The following GFOD1 variants were observed in gnomAD, a reference collection of about 807,000 sequenced individuals.
GFOD1 encodes the protein glucose-fructose oxidoreductase domain-containing protein 1.
Under a neutral mutation model 25.4 loss-of-function variants are expected in GFOD1, and 9 were observed. The observed-to-expected ratio is 0.35, with a 90% CI of 0.21 to 0.62. The LOEUF (loss-of-function observed/expected upper bound fraction) is 0.62. Among genes scored for constraint, GFOD1 ranks in the 20% least tolerant of loss-of-function variants. GFOD1 has a pLI of 0.72. For synonymous variants in GFOD1, 253 were observed against 245.6 expected (o/e 1.03, Z -0.28); for missense variants, 403 against 556.9 (o/e 0.72, Z 2.78).
intron 1 of GFOD1, among the ~76,000 whole-genome samples, chr6:13,420,219 C>T (rs1323307056): frequency 6.6e-6 from 1 of 152,184 alleles, no homozygotes. Context: ...TCTTTGTATA[C>T]ACAGATTTGT....
intron 1 of GFOD1, among the ~76,000 whole-genome samples, chr6:13,391,514 A>AC (rs200686847): frequency 2.2e-4 from 32 of 146,284 alleles, no homozygotes; most frequent in African/African-American, 6.3e-4. Flanking sequence ...AAACAAACAA[A>AC]AAAAAAAAAA....
chr6:13,394,137 A>C (rs1223126950), intron 1 of GFOD1, among the ~76,000 whole-genome samples: 1 of 151,962 alleles, frequency 6.6e-6, no homozygotes, highest in Non-Finnish European at 1.5e-5. Flanking sequence ...TGATAAATAG[A>C]CTCATTTAAA....
chr6:13,371,401 T>A (rs1266089712), intron 1 of GFOD1, among the ~76,000 whole-genome samples: 1 of 152,152 alleles, frequency 6.6e-6, no homozygotes, highest in Non-Finnish European at 1.5e-5. Context: ...TCCACACACC[T>A]CTGGGAGCAC....
chr6:13,486,908 T>C lies in GFOD1; in HGVS notation c.-18A>G. 1 of 1,603,366 alleles carries C rather than the reference T, an allele frequency of 6.2e-7. No homozygotes were observed. The highest frequency in any genetic ancestry group is 8.5e-7 in the Non-Finnish European group (1 of 1,178,700). ...GGAAGCATGGCTGCTCAGAGCCGCC[T>C]GGTTCTGCTTCTGCTCGGATCTCCA... is the stretch of plus-strand genomic sequence containing the variant. On this transcript the variant is annotated 5_prime_UTR_variant, in exon 1 of 2. Coordinates refer to ENST00000379287, the MANE Select transcript of GFOD1 (RefSeq NM_018988.4).
At chr6:13,484,935 C>A (rs1758831528) in intron 1 of GFOD1, among the ~76,000 whole-genome samples, 1 of 152,162 alleles carries the variant, frequency 6.6e-6, no homozygotes, top group African/African-American at 2.4e-5. Flanking sequence ...CATCAGGGAC[C>A]AGTTTTGTAC....
chr6:13,396,923 A>C (rs1279691586), intron 1 of GFOD1, among the ~76,000 whole-genome samples: 1 of 152,216 alleles, frequency 6.6e-6, no homozygotes, highest in African/African-American at 2.4e-5. Flanking sequence ...TTATTACAAC[A>C]GCAAGGGAAA....
intron 1 of GFOD1, among the ~76,000 whole-genome samples, chr6:13,464,613 T>C (rs1204335681): frequency 2.0e-5 from 3 of 152,216 alleles, no homozygotes; most frequent in Non-Finnish European, 4.4e-5. Context: ...CCTGTGAAAG[T>C]ATTTTTTAAA....
chr6:13,424,232 A>G (rs1786312074), intron 1 of GFOD1, among the ~76,000 whole-genome samples: 1 of 152,198 alleles, frequency 6.6e-6, no homozygotes, highest in Admixed American at 6.5e-5. Flanking sequence ...GCTCAGGTCT[A>G]GTGGCCAAAA....
chr6:13,435,561 C>T (rs886930103), intron 1 of GFOD1, among the ~76,000 whole-genome samples: 1 of 152,172 alleles, frequency 6.6e-6, no homozygotes, highest in African/African-American at 2.4e-5. Context: ...CAGTAAGACC[C>T]GCAGTACATC....
At chr6:13,368,797 T>C (rs1037834114) in intron 1 of GFOD1, among the ~76,000 whole-genome samples, 8 of 152,284 alleles carry the variant, frequency 5.3e-5, no homozygotes, top group African/African-American at 1.9e-4. Context: ...AAACAATGAT[T>C]GCATGGAATT....
In GFOD1 at chr6:13,407,939, A is replaced by C. The variant is rs886689410; in HGVS notation, c.254-42277T>G. On this transcript the variant is annotated intron_variant, in intron 1 of 1. Transcript: ENST00000379287. ...CCAACTGACTCTCGGAGATTGCCCA[A>C]CCAAAGAGCAGAAGTTCACAGAATA... The C allele has an allele frequency of 1.0e-5, 10 of 985,166 alleles. No individual in the cohort carries two copies. The African/African-American group carries it at 1.7e-4, about 17-fold the overall frequency. The allele number at this position is 985,166 out of a possible 1,614,324, so 61.0% of individuals were successfully genotyped here. A position where few individuals can be genotyped will look rare whatever the true frequency, so the allele number is the denominator to read the frequency against.
chr6:13,399,667 C>T (rs1412325948), intron 1 of GFOD1, among the ~76,000 whole-genome samples: 2 of 152,140 alleles, frequency 1.3e-5, no homozygotes, highest in East Asian at 3.8e-4. Context: ...AATTGTAAAA[C>T]AGGCAAAGTG....
At chr6:13,438,476 A>G (rs1757866709) in intron 1 of GFOD1, among the ~76,000 whole-genome samples, 1 of 152,170 alleles carries the variant, frequency 6.6e-6, no homozygotes, top group African/African-American at 2.4e-5. Context: ...ATTCAGTACC[A>G]TCTCTGAATG....
chr6:13,465,171 T>C (rs916157707), intron 1 of GFOD1, among the ~76,000 whole-genome samples: 16 of 151,938 alleles, frequency 1.1e-4, no homozygotes, highest in Admixed American at 5.9e-4. Context: ...CTGGGCCACA[T>C]TGGAAGAATT....
chr6:13,447,884 G>A (rs1758032365), intron 1 of GFOD1, among the ~76,000 whole-genome samples: 1 of 151,922 alleles, frequency 6.6e-6, no homozygotes, highest in African/African-American at 2.4e-5. Context: ...GATGAAAGAG[G>A]CACAGAGGGC....
intron 1 of GFOD1, among the ~76,000 whole-genome samples, chr6:13,403,090 TTGTGTG>T (rs577808611): frequency 6.6e-6 from 1 of 150,784 alleles, no homozygotes; most frequent in Non-Finnish European, 1.5e-5. Flanking sequence ...TTTTGTTTTG[TTGTGTG>T]TGTGTGTGTG....
At chr6:13,467,646 G>A (rs1758400266) in intron 1 of GFOD1, among the ~76,000 whole-genome samples, 1 of 152,228 alleles carries the variant, frequency 6.6e-6, no homozygotes, top group Non-Finnish European at 1.5e-5. Context: ...TTGGAAGGCT[G>A]AATGAAGCCA....
At chr6:13,467,546 A>G (rs1238985686) in intron 1 of GFOD1, among the ~76,000 whole-genome samples, 1 of 152,218 alleles carries the variant, frequency 6.6e-6, no homozygotes, top group African/African-American at 2.4e-5. Flanking sequence ...TTTGACTGAA[A>G]AGAAACCTGC....
intron 1 of GFOD1, among the ~76,000 whole-genome samples, chr6:13,442,128 C>T (rs979147222): frequency 2.8e-4 from 42 of 152,282 alleles, no homozygotes; most frequent in Middle Eastern, 3.4e-3. Context: ...TGGCCAAGGC[C>T]GGGAATCAAT....
Sources: allele counts gnomAD v4.1 joint callset (sites outside exome capture counted in the v4.1 genomes callset), GRCh38; gene constraint gnomAD v4.1.1; transcripts MANE v1.5; gene names NCBI Gene and HGNC (gene_info 2026-07-23, HGNC 2026-07-21).